Variants in DNAH1 observed in about 807,000 individuals in gnomAD.
The protein encoded by DNAH1 is axonemal beta dynein heavy chain 1.
DNAH1 carries 327 observed loss-of-function variants against 484.3 expected under a neutral mutation model. The observed-to-expected ratio is 0.68, with a 90% CI of 0.62 to 0.74. The LOEUF (loss-of-function observed/expected upper bound fraction) is 0.74. Among genes scored for constraint, DNAH1 ranks in the 30% least tolerant of loss-of-function variants. The pLI is 0.00. For synonymous variants in DNAH1, 2,192 were observed against 2,191.9 expected (o/e 1.00, Z 0.00); for missense variants, 5,052 against 5,546.8 (o/e 0.91, Z 2.83).
chr3:52,358,327 C>T lies in DNAH1; in HGVS notation c.4087-231C>T, dbSNP rs1349270577. On this transcript the variant is annotated intron_variant, in intron 24 of 77. Coordinates refer to ENST00000420323, the MANE Select transcript of DNAH1 (RefSeq NM_015512.5). The surrounding 1 kb of genome is among the most constrained non-coding windows in gnomAD (Gnocchi z 4.2). ...GACATGCAAGGCAGTCAGCCTCCTT[C>T]CCTAAAGCCTGCTTCATGCCGGGCC... 6.6e-6 allele frequency among the ~76,000 whole-genome samples: 1 copy of T among 152,234 alleles called. No individual in the cohort carries two copies. Among genetic ancestry groups the T allele is most frequent in the Admixed American group, 6.5e-5 (1 of 15,286 alleles).
At chr3:52,367,699 G>A (rs867130108) in intron 36 of DNAH1, among the ~76,000 whole-genome samples, 16 of 151,854 alleles carry the variant, frequency 1.1e-4, no homozygotes, top group African/African-American at 1.7e-4. Context: ...TCAGCCTCCC[G>A]AGTAGCTGGG....
In DNAH1 at chr3:52,322,400, T is replaced by A; in HGVS notation, c.-34-9T>A. On this transcript the variant is annotated splice_polypyrimidine_tract_variant and intron_variant, in intron 1 of 77. Transcript: ENST00000420323. ...GCAAGGGCTGACTGACGCTGGGTTC[T>A]TCTCCTAGGAGCTTCGGCTGGGGCA... is the stretch of plus-strand genomic sequence containing the variant. 1.3e-6 allele frequency: 2 copies of A among 1,570,882 alleles called. No homozygotes were observed. The highest frequency in any genetic ancestry group is 1.7e-6 in the Non-Finnish European group (2 of 1,164,216).
rs1302849424 is a variant in DNAH1 at position 52,344,563 on chromosome 3, T to C, written c.1360T>C (p.Phe454Leu). 1.9e-6 allele frequency: 3 copies of C among 1,614,032 alleles called. No homozygotes were observed. The highest frequency in any genetic ancestry group is 1.6e-4 in the Middle Eastern group (1 of 6,062). Reference sequence around the variant, plus strand: ...TGAGCGCAGCATGAACAAGATCAACTTTGACCACGTTGTCTCTTCCAAGCC... The same window carrying C: ...TGAGCGCAGCATGAACAAGATCAACCTTGACCACGTTGTCTCTTCCAAGCC... ...DYERSMNKIN[F>L]DHVVSSKPET... Residue 454 changes from phenylalanine to leucine, a missense_variant, in exon 9 of 78, where the codon TTT (phenylalanine) becomes CTT (leucine). Phe to Leu is a conservative substitution (Grantham distance 22). Coordinates refer to ENST00000420323, the MANE Select transcript of DNAH1 (RefSeq NM_015512.5).
At chr3:52,325,921 G>A (rs1295736374) in intron 3 of DNAH1, among the ~76,000 whole-genome samples, 1 of 152,166 alleles carries the variant, frequency 6.6e-6, no homozygotes, top group Non-Finnish European at 1.5e-5. Flanking sequence ...GCAGGGCTAG[G>A]ACAGACCTTC....
In DNAH1 at chr3:52,368,961, G is replaced by A. The variant is rs1277857550; in HGVS notation, c.5943+43G>A. 3.1e-6 allele frequency: 5 copies of A among 1,600,446 alleles called. No individual in the cohort carries two copies. Among genetic ancestry groups the A allele is most frequent in the Admixed American group, 3.3e-5 (2 of 59,768 alleles). On this transcript the variant is annotated intron_variant, in intron 37 of 77. Transcript: ENST00000420323. The surrounding 1 kb of genome is among the most constrained non-coding windows in gnomAD (Gnocchi z 4.4). ...CCTGCCCACTCTCCTCCAAGGCTGG[G>A]TGGGCCTGGAGGCTGCATCATGCTG... is the stretch of plus-strand genomic sequence containing the variant.
Position 52,350,215 on chromosome 3 carries a change from G to A in DNAH1, c.2646+107G>A, listed in dbSNP as rs779369158. On this transcript the variant is annotated intron_variant, in intron 15 of 77. Transcript: ENST00000420323. Reference sequence around the variant, plus strand: ...GGGAGGTCGGACTCAGGAGGCTGAGGGTAAGGTAGTTGGACAGAGGACAGA... The same window carrying A: ...GGGAGGTCGGACTCAGGAGGCTGAGAGTAAGGTAGTTGGACAGAGGACAGA... The A allele has an allele frequency of 9.1e-5, 136 of 1,491,978 alleles. No homozygotes were observed. In the Middle Eastern group the frequency reaches 1.9e-3, roughly 21 times the overall value. 92.4% of individuals were successfully genotyped at this position (1,491,978 alleles called of 1,614,324 possible). A position where few individuals can be genotyped will look rare whatever the true frequency, so the allele number is the denominator to read the frequency against.
chr3:52,358,831 TGCAGCCCTGAGGTCCC>T lies in DNAH1; in HGVS notation c.4266+95_4266+110del. On this transcript the variant is annotated intron_variant, in intron 25 of 77. Transcript: ENST00000420323. The surrounding 1 kb of genome is among the most constrained non-coding windows in gnomAD (Gnocchi z 4.2). The stretch of plus-strand genomic sequence containing the variant: ...GCTCTAGCCGGCCTCGTCCTCAGGC[TGCAGCCCTGAGGTCCC>T]TGGGGGCTCAGGCGGGATTCTGGAG... The T allele has an allele frequency of 6.7e-7, 1 of 1,494,698 alleles. No individual in the cohort carries two copies. The highest frequency in any genetic ancestry group is 2.3e-5 in the East Asian group (1 of 42,700). The allele number at this position is 1,494,698 out of a possible 1,614,324, so 92.6% of individuals were successfully genotyped here.
At chr3:52,321,409 C>G (rs1010793178) in intron 1 of DNAH1, among the ~76,000 whole-genome samples, 6 of 152,224 alleles carry the variant, frequency 3.9e-5, no homozygotes, top group Non-Finnish European at 8.8e-5. Flanking sequence ...AGCCACCGCC[C>G]CGGCCTCTTT....
At position 52,358,652 on chromosome 3, in the gene DNAH1, T is replaced by C. The variant is rs746746064; in HGVS notation, c.4181T>C (p.Val1394Ala). ...LCFSIYPSSN[V>A]EDWLREVERS... ...TTCTCCATCTACCCCTCCAGCAACG[T>C]GGAGGACTGGCTGCGGGAGGTGGAG... The change falls in exon 25 of 78, where the codon GTG (valine) becomes GCG (alanine). Residue 1394 changes from valine (V) to alanine (A), a missense_variant. Val to Ala is a moderately conservative substitution (Grantham distance 64). Around this residue, in one of 4 missense-constraint regions of DNAH1, gnomAD observed 2,929 missense variants for 3,409.4 expected, o/e 0.86. Transcript: ENST00000420323. The surrounding 1 kb of genome is among the most constrained non-coding windows in gnomAD (Gnocchi z 4.2). 3.1e-6 allele frequency: 5 copies of C among 1,613,050 alleles called. No individual in the cohort carries two copies. The African/African-American group carries it at 6.7e-5, about 22-fold the overall frequency.
chr3:52,327,697 A>C (rs938903127), intron 5 of DNAH1, among the ~76,000 whole-genome samples, 185 bp from the exon 6 acceptor site: 16 of 152,150 alleles, frequency 1.1e-4, no homozygotes. Context: ...GGAGAGGCTC[A>C]ACCCCCAGTC....
Position 52,361,792 on chromosome 3 carries a change from C to T in DNAH1, c.4980+26C>T. 1 of 1,575,880 alleles carries T rather than the reference C, an allele frequency of 6.3e-7. No homozygotes were observed. The highest frequency in any genetic ancestry group is 1.3e-5 in the African/African-American group (1 of 74,124). ...GTGAGCCCGGGGGACCCACCTTACT[C>T]CCTCAGATCTGCCATACTCACGCCG... is the stretch of plus-strand genomic sequence containing the variant. On this transcript the variant is annotated intron_variant, in intron 30 of 77. Transcript: ENST00000420323. This position sits in a 1 kb window ranked among gnomAD's most constrained non-coding sequence, Gnocchi z 5.6.
At position 52,332,332 on chromosome 3, in the gene DNAH1, A is replaced by G; in HGVS notation, c.1224A>G (p.Glu408=). The G allele has an allele frequency of 6.2e-7, 1 of 1,614,048 alleles. No homozygotes were observed. Residue 408 remains glutamate (E), a synonymous_variant, in exon 8 of 78, where the codon GAA becomes GAG. Coordinates refer to ENST00000420323, the MANE Select transcript of DNAH1 (RefSeq NM_015512.5). The part of the protein sequence containing the change: ...MPSDGQHVIS[E]QSLSKIKQWA... The stretch of plus-strand genomic sequence containing the variant: ...CTGACGGCCAGCATGTCATCAGTGA[A>G]CAGAGCCTGAGCAAGATCAAGCAGT...
At chr3:52,315,513 C>T (rs1700921047), upstream of DNAH1, among the ~76,000 whole-genome samples, 1 of 152,244 alleles carries the variant, frequency 6.6e-6, no homozygotes, top group Non-Finnish European at 1.5e-5. Context: ...GCATCCTAAG[C>T]AGCCCATCTG....
rs777932730 is a variant in DNAH1 at position 52,363,033 on chromosome 3, C to T, written c.5133C>T (p.Tyr1711=). ...FRPVAMMVPD[Y]AMITEISLYS... ...CCGTGGCCATGATGGTTCCAGATTA[C>T]GCCATGATCACTGAGATCTCCCTCT... Residue 1711 remains tyrosine, a synonymous_variant, in exon 32 of 78, where the codon TAC becomes TAT. Transcript: ENST00000420323. 16 of 1,614,020 alleles carry T rather than the reference C, an allele frequency of 9.9e-6. No individual in the cohort carries two copies. Among genetic ancestry groups the T allele is most frequent in the South Asian group, 5.5e-5 (5 of 91,092 alleles).
intron 8 of DNAH1, among the ~76,000 whole-genome samples, chr3:52,335,967 T>G (rs1313349942): frequency 6.6e-6 from 1 of 152,208 alleles, no homozygotes; most frequent in Non-Finnish European, 1.5e-5. Context: ...AATTATTCAT[T>G]TTTTTCCTTG....
Position 52,369,973 on chromosome 3 carries a change from A to G in DNAH1, c.6092A>G (p.Lys2031Arg). The G allele has an allele frequency of 6.2e-7, 1 of 1,613,914 alleles. No homozygotes were observed. The highest frequency in any genetic ancestry group is 1.7e-5 in the Admixed American group (1 of 60,024). Residue 2031 changes from lysine to arginine, a missense_variant, in exon 38 of 78, where the codon AAG (lysine) becomes AGG (arginine). By Grantham distance (26) the Lys-to-Arg change is conservative. This residue lies in a region of DNAH1 where 2,929 missense variants were observed against 3,409.4 expected (regional missense o/e 0.86). Coordinates refer to ENST00000420323, the MANE Select transcript of DNAH1 (RefSeq NM_015512.5). ...CTGAGGAAGCTGCCTCCCTTGCTGA[A>G]GCCCTATGAGGAGCATTTCAAGGCC... is the stretch of plus-strand genomic sequence containing the variant. ...CWLRKLPPLL[K>R]PYEEHFKALF...
intron 21 of DNAH1, among the ~76,000 whole-genome samples, chr3:52,356,117 A>G (rs1445301288): frequency 6.6e-6 from 1 of 152,182 alleles, no homozygotes; most frequent in Non-Finnish European, 1.5e-5. Context: ...TGAATGGGGA[A>G]TTTGGAGGCA....
Position 52,361,808 on chromosome 3 carries a change from A to G in DNAH1, c.4980+42A>G. The stretch of plus-strand genomic sequence containing the variant: ...CACCTTACTCCCTCAGATCTGCCAT[A>G]CTCACGCCGCCATACTGCTCCCCAT... On this transcript the variant is annotated intron_variant, in intron 30 of 77. Transcript: ENST00000420323. The surrounding 1 kb of genome is among the most constrained non-coding windows in gnomAD (Gnocchi z 5.6). The G allele has an allele frequency of 6.5e-7, 1 of 1,548,116 alleles. No homozygotes were observed. Among genetic ancestry groups the G allele is most frequent in the Non-Finnish European group, 8.7e-7 (1 of 1,143,142 alleles).
chr3:52,345,419 C>A, intron 9 of DNAH1, 76 bp from the exon 10 acceptor site: 2 of 1,266,728 alleles, frequency 1.6e-6, no homozygotes, highest in Admixed American at 2.1e-5. Flanking sequence ...CTCCTTCAAG[C>A]ACCCTGTGGA....
Sources: gnomAD v4.1 joint callset for allele counts (sites outside exome capture counted in the v4.1 genomes callset) on GRCh38, gnomAD v4.1.1 for gene constraint, gnomAD v4.1.1 regional missense constraint, Gnocchi (gnomAD v3.1) non-coding constraint, MANE v1.5 for transcripts, NCBI Gene and HGNC (gene_info 2026-07-23, HGNC 2026-07-21) for gene names.